The following SYNE2 variants were observed in gnomAD, a reference collection of about 807,000 sequenced individuals.
SYNE2 encodes spectrin repeat containing nuclear envelope protein 2.
In SYNE2, 431 loss-of-function variants were observed where a neutral mutation model predicts 856.3. The observed-to-expected ratio is 0.50, with a 90% CI of 0.47 to 0.55. SYNE2 has a LOEUF of 0.55. Ranked by LOEUF, SYNE2 falls within the 20% of genes least tolerant of loss-of-function variation. The pLI is 0.00. For missense variants in SYNE2, 8,129 were observed against 8,023.2 expected (o/e 1.01, Z -0.50); for synonymous variants, 2,923 against 2,872.3 (o/e 1.02, Z -0.56).
chr14:63,919,660 G>GA (rs1426503359), intron 2 of SYNE2, among the ~76,000 whole-genome samples: 1 of 152,192 alleles, frequency 6.6e-6, no homozygotes, highest in Admixed American at 6.5e-5. Flanking sequence ...GACAAGGAAG[G>GA]AAAAGCAGGT....
chr14:64,114,601 C>T (rs979811238), intron 66 of SYNE2, among the ~76,000 whole-genome samples: 14 of 151,916 alleles, frequency 9.2e-5, no homozygotes, highest in Non-Finnish European at 1.5e-4. Flanking sequence ...TGCATCTCGG[C>T]ACCTCTGATC....
At chr14:63,914,724 G>GA (rs1382984582) in intron 2 of SYNE2, among the ~76,000 whole-genome samples, 1 of 152,160 alleles carries the variant, frequency 6.6e-6, no homozygotes, top group East Asian at 1.9e-4. Context: ...AGCTGCTTGG[G>GA]AAAATAGTAG....
intron 70 of SYNE2, 42 bp from the exon 71 acceptor site, chr14:64,125,037 G>T: frequency 1.2e-6 from 2 of 1,612,078 alleles, no homozygotes; most frequent in Non-Finnish European, 1.7e-6. Flanking sequence ...ACATCAGCAG[G>T]GTCTAAAACT....
chr14:64,170,446 T>C lies in SYNE2; in HGVS notation c.17219T>C (p.Leu5740Pro), dbSNP rs1330069648. The change falls in exon 94 of 116, where the codon CTG becomes CCG. Residue 5740 changes from leucine to proline, a missense_variant. By Grantham distance (98) the Leu-to-Pro change is moderately conservative. This residue lies in a region of SYNE2 where 5,410 missense variants were observed against 5,284.8 expected (regional missense o/e 1.02). Coordinates refer to ENST00000555002, the MANE Select transcript of SYNE2 (RefSeq NM_182914.3). ...ERFSLYQTRS[L>P]IHELKNKEIH... ...TTCAGCCTCTACCAAACCAGAAGTC[T>C]GATCCATGAGCTGAAGGTAGTGTAT... The C allele has an allele frequency of 1.2e-6, 2 of 1,612,238 alleles. No homozygotes were observed. Among genetic ancestry groups the C allele is most frequent in the East Asian group, 2.2e-5 (1 of 44,848 alleles).
At chr14:64,077,719 G>A (rs1312562597) in intron 54 of SYNE2, among the ~76,000 whole-genome samples, 1 of 152,054 alleles carries the variant, frequency 6.6e-6, no homozygotes, top group African/African-American at 2.4e-5. Flanking sequence ...CTTGGAGAAA[G>A]CCTTATCAAA....
intron 28 of SYNE2, 110 bp from the exon 29 acceptor site, chr14:64,001,823 TG>T: frequency 8.4e-7 from 1 of 1,188,780 alleles, no homozygotes; most frequent in Non-Finnish European, 1.3e-6. Context: ...ATTGTATGTC[TG>T]TTTATTGGAT....
At chr14:63,866,800 C>T (rs1895451065) in intron 1 of SYNE2, among the ~76,000 whole-genome samples, 4 of 151,988 alleles carry the variant, frequency 2.6e-5, no homozygotes, top group South Asian at 4.1e-4. Context: ...AGTGAGATCC[C>T]GTCTCTACAA....
chr14:63,957,200 C>A (rs1242144609), intron 8 of SYNE2, among the ~76,000 whole-genome samples: 1 of 150,316 alleles, frequency 6.7e-6, no homozygotes, highest in African/African-American at 2.4e-5. Context: ...TGGGTTAAAG[C>A]GATTCTTGTG....
At chr14:63,928,105 A>G (rs901448101) in intron 2 of SYNE2, among the ~76,000 whole-genome samples, 6 of 151,602 alleles carry the variant, frequency 4.0e-5, no homozygotes, top group Non-Finnish European at 7.4e-5. Flanking sequence ...CAAGATGTAT[A>G]GAGAAGGAAG....
rs200013332 is a variant in SYNE2, at chr14:64,042,950, G to A, written c.7222-5050G>A. The stretch of plus-strand genomic sequence containing the variant: ...AGGGCTCAGAAGAAGACAGGAAAAT[G>A]TGGGAAAGTTTGGAACTTCCTAGAG... On this transcript the variant is annotated intron_variant, in intron 45 of 115. Transcript: ENST00000555002. Among the ~76,000 whole-genome samples, 16 of 152,320 alleles carry A rather than the reference G, an allele frequency of 1.1e-4. 1 individual carries two copies. The East Asian group carries it at 2.5e-3, about 24-fold the overall frequency.
chr14:63,994,024 T>TGTTGGTTGTCA (rs2096691374), intron 22 of SYNE2, 55 bp downstream of exon 22: 1 of 1,587,774 alleles, frequency 6.3e-7, no homozygotes, highest in Non-Finnish European at 8.6e-7. Context: ...GATCCTGGGC[T>TGTTGGTTGTCA]GTTGGTTGTC....
intron 96 of SYNE2, among the ~76,000 whole-genome samples, chr14:64,181,577 C>T (rs139658117): frequency 1.3e-5 from 2 of 152,200 alleles, no homozygotes; most frequent in Non-Finnish European, 1.5e-5. Context: ...TCGTTCAACC[C>T]GTGACCATAT....
chr14:64,188,727 G>A lies in SYNE2; in HGVS notation c.17871+19G>A. On this transcript the variant is annotated intron_variant, in intron 98 of 115. Transcript: ENST00000555002. ...ACAGAAGGTAAGGGAGGACACCCAG[G>A]TGGATGTAGTTATGACTACCATGGA... 6.2e-7 allele frequency: 1 copy of A among 1,613,714 alleles called. No individual in the cohort carries two copies. Among genetic ancestry groups the A allele is most frequent in the East Asian group, 2.2e-5 (1 of 44,890 alleles).
chr14:64,002,176 A>C (rs938060044), intron 29 of SYNE2, 95 bp downstream of exon 29: 2 of 1,064,902 alleles, frequency 1.9e-6, no homozygotes, highest in African/African-American at 3.1e-5. Flanking sequence ...ATGATAGCAT[A>C]GATTAAGAGT....
Position 64,203,940 on chromosome 14 carries a change from C to T in SYNE2, c.18201+977C>T, listed in dbSNP as rs138791033. On this transcript the variant is annotated intron_variant, in intron 100 of 115. Transcript: ENST00000555002. ...CTATATTGCCCCGGCTGGTCTTTAA[C>T]TTCTGGGCTCAAGTGATCCTCCCAC... 6.6e-5 allele frequency among the ~76,000 whole-genome samples: 10 copies of T among 152,276 alleles called. No homozygotes were observed. The East Asian group carries it at 1.9e-3, about 29-fold the overall frequency.
At chr14:63,826,214 A>G (rs984934777) in intron 1 of SYNE2, among the ~76,000 whole-genome samples, 7 of 152,212 alleles carry the variant, frequency 4.6e-5, no homozygotes, top group Admixed American at 2.0e-4. Context: ...GATCAATGGA[A>G]TAGCACTGAG....
intron 42 of SYNE2, among the ~76,000 whole-genome samples, chr14:64,027,145 T>A (rs958037682): frequency 6.6e-6 from 1 of 152,206 alleles, no homozygotes; most frequent in African/African-American, 2.4e-5. Context: ...AGTTGGTTAA[T>A]ATACGGAATG....
intron 1 of SYNE2, among the ~76,000 whole-genome samples, chr14:63,822,933 A>C (rs973601419): frequency 6.6e-6 from 1 of 151,962 alleles, no homozygotes; most frequent in Non-Finnish European, 1.5e-5. Context: ...GTGAGACCCC[A>C]TCTCTATAAA....
intron 95 of SYNE2, among the ~76,000 whole-genome samples, chr14:64,176,812 T>G (rs2098437440): frequency 6.7e-6 from 1 of 148,862 alleles, no homozygotes; most frequent in African/African-American, 2.6e-5. Flanking sequence ...TATTTATTTA[T>G]TTTAAGATGG....
Sources: gnomAD v4.1 joint callset for allele counts (sites outside exome capture counted in the v4.1 genomes callset) on GRCh38, gnomAD v4.1.1 for gene constraint, gnomAD v4.1.1 regional missense constraint, MANE v1.5 for transcripts, NCBI Gene and HGNC (gene_info 2026-07-23, HGNC 2026-07-21) for gene names.